The following MAEL variants were observed in gnomAD, a reference collection of about 807,000 sequenced individuals.
MAEL encodes the protein maelstrom spermatogenic transposon silencer.
Under a neutral mutation model 62.0 loss-of-function variants are expected in MAEL, and 46 were observed. The observed-to-expected ratio is 0.74, with a 90% CI of 0.59 to 0.95. The LOEUF is 0.95. Ranked by LOEUF, MAEL falls within the 40% of genes least tolerant of loss-of-function variation. The pLI is 0.00. For missense variants in MAEL, 497 were observed against 526.8 expected (o/e 0.94, Z 0.55); for synonymous variants, 172 against 175.5 (o/e 0.98, Z 0.16).
intron 5 of MAEL, among the ~76,000 whole-genome samples, chr1:166,995,211 A>AATGTAAG (rs1298905063): frequency 6.6e-6 from 1 of 151,978 alleles, no homozygotes; most frequent in African/African-American, 2.4e-5. Flanking sequence ...TGGAATAAGA[A>AATGTAAG]ATGTAAGGGA....
Position 167,017,423 on chromosome 1 carries a change from G to C in MAEL, c.909-404G>C, listed in dbSNP as rs139826188. On this transcript the variant is annotated intron_variant, in intron 9 of 11. Transcript: ENST00000367872. ...ATAGGTCTTTTGTTCTCGTTTTGTA[G>C]TGAAAGTACCGGGAGCCCCAGATAA... is the stretch of plus-strand genomic sequence containing the variant. Among the ~76,000 whole-genome samples, 20 of 152,286 alleles carry C rather than the reference G, an allele frequency of 1.3e-4. No individual in the cohort carries two copies. In the East Asian group the frequency reaches 2.3e-3, roughly 18 times the overall value.
intron 5 of MAEL, among the ~76,000 whole-genome samples, chr1:166,996,608 G>A (rs1198328166): frequency 1.3e-5 from 2 of 152,160 alleles, no homozygotes; most frequent in Non-Finnish European, 2.9e-5. Flanking sequence ...CAGTGCCATT[G>A]AAAGTCCCTG....
chr1:167,010,390 G>A (rs1050653394), intron 8 of MAEL, among the ~76,000 whole-genome samples: 4 of 151,906 alleles, frequency 2.6e-5, no homozygotes. Context: ...TTGGGGGGTG[G>A]GGGTATGAGA....
intron 3 of MAEL, 133 bp downstream of exon 3, chr1:166,991,610 G>T: frequency 1.8e-6 from 1 of 562,408 alleles, no homozygotes. Context: ...AAATATTGTG[G>T]TACTGACATT....
intron 5 of MAEL, among the ~76,000 whole-genome samples, chr1:167,000,823 T>C (rs1440290382): frequency 6.6e-6 from 1 of 152,150 alleles, no homozygotes; most frequent in Non-Finnish European, 1.5e-5. Context: ...ACAACCACTA[T>C]GGGAAAAAAT....
chr1:167,014,949 T>A (rs563545826), intron 8 of MAEL, among the ~76,000 whole-genome samples: 1 of 152,200 alleles, frequency 6.6e-6, no homozygotes, highest in Admixed American at 6.5e-5. Flanking sequence ...ATTTGAACCC[T>A]GGAGGTGGAG....
At chr1:166,998,867 T>C (rs1289319565) in intron 5 of MAEL, among the ~76,000 whole-genome samples, 1 of 152,236 alleles carries the variant, frequency 6.6e-6, no homozygotes, top group African/African-American at 2.4e-5. Context: ...TTTCAAACTT[T>C]GTCATTATCA....
intron 5 of MAEL, 71 bp from the exon 6 acceptor site, chr1:167,004,109 C>A: frequency 1.5e-6 from 2 of 1,348,988 alleles, no homozygotes; most frequent in Non-Finnish European, 2.1e-6. Flanking sequence ...TTCTTGTACC[C>A]CCACTTCTAT....
At chr1:166,999,583 C>T (rs56114212) in intron 5 of MAEL, among the ~76,000 whole-genome samples, 12,182 of 152,238 alleles carry the variant, frequency 0.08, 1,129 homozygotes, top group African/African-American at 0.23. Flanking sequence ...CTGACGTAGA[C>T]GCTGCAGCAA....
intron 5 of MAEL, among the ~76,000 whole-genome samples, chr1:167,003,915 A>G (rs1557980304): frequency 6.6e-6 from 1 of 152,198 alleles, no homozygotes; most frequent in African/African-American, 2.4e-5. Flanking sequence ...TCATGACTCA[A>G]CTGTTTACCA....
intron 1 of MAEL, among the ~76,000 whole-genome samples, chr1:166,979,229 A>G (rs959183963): frequency 1.3e-5 from 2 of 152,212 alleles, no homozygotes; most frequent in Admixed American, 6.5e-5. Flanking sequence ...GAATATACGA[A>G]GTATGACTCT....
chr1:166,992,716 A>G lies in MAEL; in HGVS notation c.356A>G (p.Asn119Ser). ...ALLGGIFYFLNIFSHGELPPH... is the reference protein window; with the variant it reads ...ALLGGIFYFLSIFSHGELPPH... Reference sequence around the variant, plus strand: ...CTTGGAGGCATTTTTTATTTTTTGAACATTTTTAGCCATGGCGAGCTACCT... The same window carrying G: ...CTTGGAGGCATTTTTTATTTTTTGAGCATTTTTAGCCATGGCGAGCTACCT... Residue 119 changes from asparagine to serine, a missense_variant, in exon 4 of 12, where the codon AAC becomes AGC. Asn to Ser is a conservative substitution (Grantham distance 46, BLOSUM62 1). Transcript: ENST00000367872. The G allele has an allele frequency of 2.5e-6, 4 of 1,593,740 alleles. No homozygotes were observed. The highest frequency in any genetic ancestry group is 2.7e-5 in the African/African-American group (2 of 73,414).
Position 167,017,961 on chromosome 1 carries a change from T to A in MAEL, c.1041+2T>A. The A allele has an allele frequency of 6.2e-7, 1 of 1,612,494 alleles. No homozygotes were observed. The highest frequency in any genetic ancestry group is 8.5e-7 in the Non-Finnish European group (1 of 1,179,094). ...GTATTGGATGCAGGGCGTTACCAGG[T>A]AAGGAACTGACTTTTAAGAGCTGCT... On this transcript the variant is annotated splice_donor_variant, in intron 10 of 11. Transcript: ENST00000367872. LOFTEE classifies it high-confidence loss of function.
chr1:167,007,758 G>A (rs1020930294), intron 8 of MAEL, among the ~76,000 whole-genome samples: 1 of 151,760 alleles, frequency 6.6e-6, no homozygotes, highest in African/African-American at 2.4e-5. Context: ...CTTTCTCTGA[G>A]AATGAGAACC....
intron 5 of MAEL, among the ~76,000 whole-genome samples, chr1:166,994,586 A>G (rs945836117): frequency 3.9e-5 from 6 of 152,046 alleles, no homozygotes; most frequent in African/African-American, 1.2e-4. Flanking sequence ...TAGAATGAAA[A>G]TCGGAATAGG....
At chr1:166,996,223 A>G (rs1445312336) in intron 5 of MAEL, among the ~76,000 whole-genome samples, 1 of 152,238 alleles carries the variant, frequency 6.6e-6, no homozygotes, top group East Asian at 1.9e-4. Context: ...ACACACTGGA[A>G]CAAATTTACA....
intron 8 of MAEL, chr1:167,012,220 A>G (rs571313479): frequency 6.6e-6 from 1 of 152,220 alleles, no homozygotes. Context: ...TAAATTTGTG[A>G]TAAATGTTTT....
At chr1:167,004,077 C>T in intron 5 of MAEL, 103 bp from the exon 6 acceptor site, 1 of 971,252 alleles carries the variant, frequency 1.0e-6, no homozygotes, top group Non-Finnish European at 1.5e-6. Flanking sequence ...AAGTACTTAA[C>T]TGTGTGTTAC....
chr1:166,991,594 A>G, intron 3 of MAEL, 117 bp downstream of exon 3: 4 of 642,494 alleles, frequency 6.2e-6, no homozygotes, highest in Non-Finnish European at 1.1e-5. Flanking sequence ...AATAACTGCA[A>G]GTGTTAAATA....
Sources: gnomAD v4.1 joint callset for allele counts (sites outside exome capture counted in the v4.1 genomes callset) on GRCh38, gnomAD v4.1.1 for gene constraint, MANE v1.5 for transcripts, NCBI Gene and HGNC (gene_info 2026-07-23, HGNC 2026-07-21) for gene names.